The following ASPH variants were observed in gnomAD, a reference collection of about 807,000 sequenced individuals.
ASPH encodes the protein aspartate beta-hydroxylase.
In ASPH, 100 loss-of-function variants were observed where a neutral mutation model predicts 118.4. The ratio of observed to expected loss-of-function variants is 0.84; its 90% CI spans 0.72 to 1.00. The LOEUF (loss-of-function observed/expected upper bound fraction) is 1.00. Ranked by LOEUF, ASPH falls within the 50% of genes least tolerant of loss-of-function variation. ASPH has a pLI of 0.00. For synonymous variants in ASPH, 315 were observed against 325.6 expected, an observed-to-expected ratio of 0.97 and a Z score of 0.35; for missense variants, 920 against 919.5, an observed-to-expected ratio of 1.00 and a Z score of -0.01.
rs777993903 is a variant in ASPH at position 61,553,039 on chromosome 8, T to A, written c.1618A>T (p.Asn540Tyr). The change falls in exon 20 of 25, where the codon AAC becomes TAC. Residue 540 changes from asparagine to tyrosine, a missense_variant. By Grantham distance (143) the Asn-to-Tyr change is moderately radical (BLOSUM62 -2). Transcript: ENST00000379454. ...ATTCATATACCCATTACCTCTTTGT[T>A]CCCAACCCTCTGCATGGCATCCCCC... ...HLGDAMQRVGNKEAYKWYELG... is the reference protein window; with the variant it reads ...HLGDAMQRVGYKEAYKWYELG... 2 of 1,612,234 alleles carry A rather than the reference T, an allele frequency of 1.2e-6. No individual in the cohort carries two copies. The highest frequency in any genetic ancestry group is 2.2e-5 in the South Asian group (2 of 91,040).
chr8:61,526,416 AAGAG>A (rs1815362191), intron 21 of ASPH, among the ~76,000 whole-genome samples: 1 of 152,152 alleles, frequency 6.6e-6, no homozygotes, highest in African/African-American at 2.4e-5. Flanking sequence ...ACAACCTAAG[AAGAG>A]TACTGATCTT....
At chr8:61,590,548 CTCTGTG>C (rs1309877972) in intron 14 of ASPH, among the ~76,000 whole-genome samples, 6 of 88,796 alleles carry the variant, frequency 6.8e-5, no homozygotes, top group Non-Finnish European at 1.2e-4. Context: ...CTTAATTTAA[CTCTGTG>C]TGTGTGTGTG....
intron 10 of ASPH, among the ~76,000 whole-genome samples, chr8:61,640,245 A>G (rs146138649): frequency 4.2e-4 from 64 of 152,276 alleles, no homozygotes; most frequent in African/African-American, 1.5e-3. Flanking sequence ...AATTTGGATG[A>G]TTACAGCTAA....
rs528054416 is a variant in ASPH at position 61,702,929 on chromosome 8, AAGG to A, written c.103+11337_103+11339del. ...ACAATTCTTAAGGAAGTAAGAGGAG[AAGG>A]AGAAGCAGGGGGAGAGGATAGGAGA... On this transcript the variant is annotated intron_variant, in intron 1 of 24. Coordinates refer to ENST00000379454, the MANE Select transcript of ASPH (RefSeq NM_004318.4). Among the ~76,000 whole-genome samples, 640 of 152,290 alleles carry A rather than the reference AAGG, an allele frequency of 4.2e-3. 2 individuals are homozygous for A. Among genetic ancestry groups the A allele is most frequent in the Middle Eastern group, 0.014 (4 of 294 alleles).
At chr8:61,712,361 T>C (rs935334837) in intron 1 of ASPH, among the ~76,000 whole-genome samples, 4 of 152,196 alleles carry the variant, frequency 2.6e-5, no homozygotes, top group African/African-American at 9.7e-5. Context: ...ATGGTTTCCA[T>C]ACCCAGTGCC....
chr8:61,636,937 T>C (rs1858071613), intron 12 of ASPH, among the ~76,000 whole-genome samples: 1 of 152,132 alleles, frequency 6.6e-6, no homozygotes, highest in South Asian at 2.1e-4. Context: ...CCAGAGTGCC[T>C]GTACAGGGGT....
intron 14 of ASPH, among the ~76,000 whole-genome samples, chr8:61,618,630 A>G (rs182269542): frequency 1.3e-5 from 2 of 152,236 alleles, no homozygotes; most frequent in African/African-American, 4.8e-5. Context: ...GTATATTTTC[A>G]TTTTATTACT....
intron 14 of ASPH, among the ~76,000 whole-genome samples, chr8:61,616,257 C>G (rs1302295758): frequency 6.6e-6 from 1 of 152,102 alleles, no homozygotes; most frequent in African/African-American, 2.4e-5. Context: ...GAGGTCAGAC[C>G]TGTGCACCGA....
chr8:61,567,861 T>A (rs1471407792), intron 16 of ASPH, among the ~76,000 whole-genome samples: 2 of 152,168 alleles, frequency 1.3e-5, no homozygotes, highest in Non-Finnish European at 2.9e-5. Flanking sequence ...CAAAGCAGGC[T>A]TAGGAGTGCT....
intron 14 of ASPH, among the ~76,000 whole-genome samples, chr8:61,607,990 G>C (rs1475566881): frequency 6.6e-6 from 1 of 152,154 alleles, no homozygotes; most frequent in East Asian, 1.9e-4. Context: ...TGGGGGACTT[G>C]AGACAGTGGT....
intron 14 of ASPH, among the ~76,000 whole-genome samples, chr8:61,590,228 G>A (rs1043732266): frequency 3.9e-5 from 6 of 152,064 alleles, no homozygotes; most frequent in Admixed American, 1.3e-4. Flanking sequence ...CTTTCTCCCC[G>A]TGTCTGAAGA....
chr8:61,618,374 T>C (rs1395887742), intron 14 of ASPH, among the ~76,000 whole-genome samples: 3 of 152,208 alleles, frequency 2.0e-5, no homozygotes, highest in Non-Finnish European at 4.4e-5. Flanking sequence ...TGATCATCCA[T>C]ATAATTTTTT....
At chr8:61,515,463 C>G (rs1026943842) in intron 24 of ASPH, among the ~76,000 whole-genome samples, 2 of 152,162 alleles carry the variant, frequency 1.3e-5, no homozygotes, top group East Asian at 1.9e-4. Flanking sequence ...GTTCTCCTTC[C>G]TCCTTCCGTC....
intron 21 of ASPH, among the ~76,000 whole-genome samples, chr8:61,542,287 TTGTTCCTC>T (rs1212729748): frequency 6.6e-6 from 1 of 152,246 alleles, no homozygotes; most frequent in Non-Finnish European, 1.5e-5. Flanking sequence ...GTTGCTGTTG[TTGTTCCTC>T]TGTTCCTCCA....
At chr8:61,669,465 A>T (rs1821336062) in intron 3 of ASPH, among the ~76,000 whole-genome samples, 1 of 152,238 alleles carries the variant, frequency 6.6e-6, no homozygotes, top group Non-Finnish European at 1.5e-5. Flanking sequence ...CATAACCAGT[A>T]CTTATTCCCA....
In ASPH at chr8:61,584,612, TTTTCTTC is replaced by T. The variant is rs1838698439; in HGVS notation, c.977-590_977-584del. ...TGTGCCATTTCTTCTCTTTCTTTCT[TTTTCTTC>T]TTTCTTTCTTTCCTTCTTTCTTTCT... On this transcript the variant is annotated intron_variant, in intron 14 of 24. Transcript: ENST00000379454. 2.5e-5 allele frequency among the ~76,000 whole-genome samples: 3 copies of T among 118,252 alleles called. No homozygotes were observed. The South Asian group carries it at 7.9e-4, about 31-fold the overall frequency. The allele number at this position is 118,252 out of a possible 152,430, so 77.6% of individuals were successfully genotyped here.
chr8:61,606,875 A>AT (rs1244624135), intron 14 of ASPH: 9 of 58,420 alleles, frequency 1.5e-4, no homozygotes, highest in Non-Finnish European at 2.8e-4. Context: ...AACACCTGTG[A>AT]TTTTTTTTCC....
rs1827720288 is a variant in ASPH at position 61,555,926 on chromosome 8, TTAAA to T, written c.1530_1533del (p.Tyr510Ter). ...AGAGGAGAAGCAGTGAGCATTACCT[TTAAA>T]TATGGGATGCTCTCAGCAATTTTGT... On this transcript the variant is annotated frameshift_variant, in exon 19 of 25. Coordinates refer to ENST00000379454, the MANE Select transcript of ASPH (RefSeq NM_004318.4). LOFTEE classifies it high-confidence loss of function. 1 of 1,613,024 alleles carries T rather than the reference TTAAA, an allele frequency of 6.2e-7. No homozygotes were observed. The highest frequency in any genetic ancestry group is 1.7e-5 in the Admixed American group (1 of 59,962).
At chr8:61,541,320 C>G (rs548660176) in intron 21 of ASPH, among the ~76,000 whole-genome samples, 1 of 151,892 alleles carries the variant, frequency 6.6e-6, no homozygotes, top group Non-Finnish European at 1.5e-5. Flanking sequence ...GCTGAGATTG[C>G]GCCACTGCAC....
Sources: gnomAD v4.1 joint callset for allele counts (sites outside exome capture counted in the v4.1 genomes callset) on GRCh38, gnomAD v4.1.1 for gene constraint, MANE v1.5 for transcripts, NCBI Gene and HGNC (gene_info 2026-07-23, HGNC 2026-07-21) for gene names.